SCRN1: variants seen among roughly 807,000 people sequenced by gnomAD.
SCRN1 encodes secernin-1.
Under a neutral mutation model 43.3 loss-of-function variants are expected in SCRN1, and 19 were observed. That is an observed-to-expected ratio of 0.44 (90% CI 0.31 to 0.64). SCRN1 has a LOEUF of 0.64. SCRN1 is among the 30% of genes least tolerant of loss of function. The pLI, the probability that SCRN1 is intolerant of heterozygous loss-of-function variation, is 0.09. For missense variants in SCRN1, 447 were observed against 524.1 expected, an observed-to-expected ratio of 0.85 and a Z score of 1.44; for synonymous variants, 183 against 188.9, an observed-to-expected ratio of 0.97 and a Z score of 0.26.
At chr7:29,986,687 C>T (rs1385108868) in intron 1 of SCRN1, among the ~76,000 whole-genome samples, 1 of 149,434 alleles carries the variant, frequency 6.7e-6, no homozygotes, top group Non-Finnish European at 1.5e-5. Context: ...CATTCATCCT[C>T]TAATGCAAGT....
At chr7:29,940,544 T>C in intron 5 of SCRN1, 138 bp downstream of exon 5, 2 of 707,990 alleles carry the variant, frequency 2.8e-6, no homozygotes, top group Non-Finnish European at 4.4e-6. Flanking sequence ...CAGGGACTTT[T>C]AGCAGAAGTT....
intron 1 of SCRN1, among the ~76,000 whole-genome samples, chr7:29,975,410 A>G (rs1337516396): frequency 6.6e-6 from 1 of 152,202 alleles, no homozygotes; most frequent in Non-Finnish European, 1.5e-5. Flanking sequence ...TCAGTGTTAC[A>G]CTATAGGCCT....
intron 7 of SCRN1, among the ~76,000 whole-genome samples, chr7:29,925,769 G>A (rs1786926888): frequency 6.6e-6 from 1 of 150,826 alleles, no homozygotes; most frequent in Non-Finnish European, 1.5e-5. Flanking sequence ...AGCACTTTGG[G>A]AGGCAGAAGC....
At chr7:29,988,758 A>G (rs1217669115) in intron 1 of SCRN1, 3 of 152,324 alleles carry the variant, frequency 2.0e-5, no homozygotes, top group Non-Finnish European at 4.4e-5. Flanking sequence ...ACGTTATTTA[A>G]CAGAACCCTA....
intron 5 of SCRN1, among the ~76,000 whole-genome samples, chr7:29,940,321 T>A (rs1479322681): frequency 6.6e-6 from 1 of 152,100 alleles, no homozygotes; most frequent in African/African-American, 2.4e-5. Flanking sequence ...AGACAACACC[T>A]CTGCCCTCAA....
At chr7:29,951,392 A>G (rs956575847) in intron 3 of SCRN1, among the ~76,000 whole-genome samples, 1 of 152,218 alleles carries the variant, frequency 6.6e-6, no homozygotes, top group African/African-American at 2.4e-5. Flanking sequence ...AGCTGAGTAC[A>G]GTGTGCAGGG....
rs1491486187 is a variant in SCRN1, at chr7:29,986,716, AAT to A, written c.-2+2924_-2+2925del. Among the ~76,000 whole-genome samples, 370 of 138,396 alleles carry A rather than the reference AAT, an allele frequency of 2.7e-3. 1 individual carries two copies. The highest frequency in any genetic ancestry group is 9.7e-3 in the African/African-American group (360 of 37,236). The allele number at this position is 138,396 out of a possible 152,430, so 90.8% of individuals were successfully genotyped here. ...TGCAAGTTAGTTTTCTAATTTTTTT[AAT>A]TTTTTTTTTTTTTTTTTTTTTTTTG... is the stretch of plus-strand genomic sequence containing the variant. On this transcript the variant is annotated intron_variant, in intron 1 of 7. Transcript: ENST00000242059.
At chr7:29,981,065 T>A (rs1236733233) in intron 1 of SCRN1, among the ~76,000 whole-genome samples, 1 of 152,204 alleles carries the variant, frequency 6.6e-6, no homozygotes, top group African/African-American at 2.4e-5. Context: ...AGCAAGCTCA[T>A]ATTGCTTTAT....
chr7:29,927,466 G>A (rs367986079), intron 6 of SCRN1, among the ~76,000 whole-genome samples: 14 of 149,980 alleles, frequency 9.3e-5, no homozygotes, highest in South Asian at 4.3e-4. Flanking sequence ...CTGTAACGCC[G>A]GGGAGAGAGC....
At chr7:29,984,631 G>C (rs923427090) in intron 1 of SCRN1, among the ~76,000 whole-genome samples, 2 of 151,814 alleles carry the variant, frequency 1.3e-5, no homozygotes, top group Non-Finnish European at 2.9e-5. Flanking sequence ...CTCACAATTA[G>C]AGAATTACAA....
chr7:29,970,133 A>G (rs146762129), intron 1 of SCRN1, among the ~76,000 whole-genome samples: 4 of 152,304 alleles, frequency 2.6e-5, no homozygotes, highest in African/African-American at 9.6e-5. Flanking sequence ...AGCCAAAGTG[A>G]TCCTTTTAGA....
chr7:29,929,749 C>T (rs77388806), intron 6 of SCRN1, among the ~76,000 whole-genome samples: 5,193 of 152,358 alleles, frequency 0.034, 111 homozygotes, highest in African/African-American at 0.067. Context: ...CTAGCTTCTA[C>T]AACTCGTTTA....
At chr7:29,933,728 G>A (rs1268013403) in intron 6 of SCRN1, among the ~76,000 whole-genome samples, 4 of 152,172 alleles carry the variant, frequency 2.6e-5, no homozygotes, top group African/African-American at 9.7e-5. Flanking sequence ...AGTAGGAGGA[G>A]GGAGGGAGGG....
intron 2 of SCRN1, among the ~76,000 whole-genome samples, chr7:29,959,608 CCTG>C (rs1285206551): frequency 1.3e-5 from 2 of 152,028 alleles, no homozygotes; most frequent in Non-Finnish European, 2.9e-5. Flanking sequence ...CAGTGTCTTG[CCTG>C]CTATTTGACT....
rs1788530809 is a variant in SCRN1 at position 29,967,389 on chromosome 7, T to C, written c.159+1520A>G. Among the ~76,000 whole-genome samples the C allele has an allele frequency of 2.7e-5, 4 of 146,894 alleles. No individual in the cohort carries two copies. The South Asian group carries it at 8.6e-4, about 32-fold the overall frequency. ...AATACTCAAAATAGAAATTCATGTA[T>C]ACTTTTTTTTTTTTTTTTTTAAAGA... On this transcript the variant is annotated intron_variant, in intron 2 of 7. Coordinates refer to ENST00000242059, the MANE Select transcript of SCRN1 (RefSeq NM_014766.5).
chr7:29,972,695 A>T (rs1412405244), intron 1 of SCRN1, among the ~76,000 whole-genome samples: 4 of 152,184 alleles, frequency 2.6e-5, no homozygotes, highest in Non-Finnish European at 5.9e-5. Context: ...CAGTCCATTA[A>T]TTTTTCCTGA....
intron 4 of SCRN1, among the ~76,000 whole-genome samples, chr7:29,943,087 G>A (rs912586669): frequency 1.3e-5 from 2 of 152,138 alleles, no homozygotes; most frequent in African/African-American, 2.4e-5. Flanking sequence ...AGACTTCCTG[G>A]TAAATTTAGT....
Position 29,967,164 on chromosome 7 carries a change from C to T in SCRN1, c.159+1745G>A, listed in dbSNP as rs143074023. 6.1e-3 allele frequency among the ~76,000 whole-genome samples: 909 copies of T among 148,954 alleles called. 10 individuals carry two copies. Among genetic ancestry groups the T allele is most frequent in the Non-Finnish European group, 0.01 (693 of 67,176 alleles). On this transcript the variant is annotated intron_variant, in intron 2 of 7. Transcript: ENST00000242059. ...TCCAGATTTTTCATCCTTTAACAAA[C>T]TACCATCTAAACACACACACACACA...
intron 1 of SCRN1, among the ~76,000 whole-genome samples, chr7:29,983,934 A>C (rs1789069820): frequency 6.6e-6 from 1 of 152,144 alleles, no homozygotes; most frequent in African/African-American, 2.4e-5. Flanking sequence ...GGCCAGGCGC[A>C]GTGGCTCATG....
Sources: gnomAD v4.1 joint callset for allele counts (sites outside exome capture counted in the v4.1 genomes callset) on GRCh38, gnomAD v4.1.1 for gene constraint, MANE v1.5 for transcripts, NCBI Gene and HGNC (gene_info 2026-07-23, HGNC 2026-07-21) for gene names.